Variants in SYBU observed in about 807,000 individuals in gnomAD.
The protein encoded by SYBU is syntabulin.
Under a neutral mutation model 35.9 loss-of-function variants are expected in SYBU, and 21 were observed. That is an observed-to-expected ratio of 0.58 (90% CI 0.41 to 0.84). The LOEUF (loss-of-function observed/expected upper bound fraction) is 0.84, where lower values mean the gene tolerates loss of function less well. SYBU is among the 40% of genes least tolerant of loss of function. The probability of loss-of-function intolerance (pLI) is 0.00; values close to 1 mark genes in which losing one functional copy is unlikely to be tolerated. For missense variants in SYBU, 768 were observed against 848.2 expected, an observed-to-expected ratio of 0.91 and a Z score of 1.17; for synonymous variants, 319 against 324.3, an observed-to-expected ratio of 0.98 and a Z score of 0.18.
intron 2 of SYBU, among the ~76,000 whole-genome samples, chr8:109,637,716 GT>G (rs1329460229): frequency 2.0e-5 from 3 of 152,124 alleles, no homozygotes; most frequent in Admixed American, 2.0e-4. Flanking sequence ...CAGATGCCAA[GT>G]TTCCCCAACT....
chr8:109,575,175 T>C lies in SYBU; in HGVS notation c.1723A>G (p.Arg575Gly). The C allele has an allele frequency of 6.2e-7, 1 of 1,614,218 alleles. No homozygotes were observed. The change falls in exon 7 of 7, where the codon AGA becomes GGA. Residue 575 changes from arginine to glycine, a missense_variant. Coordinates refer to ENST00000276646, the MANE Select transcript of SYBU (RefSeq NM_001099754.2). ...DAEVHANRLM[R>G]ELDFAACVEE... is the part of the protein sequence containing the mutation. ...ACGCAGGCTGCAAAATCCAGCTCTC[T>C]CATGAGGCGGTTTGCATGAACTTCT...
chr8:109,604,880 T>C (rs555352580), intron 3 of SYBU, among the ~76,000 whole-genome samples: 188 of 152,306 alleles, frequency 1.2e-3, no homozygotes, highest in African/African-American at 4.4e-3. Context: ...CCGCCAGTAG[T>C]CTCGGCAGAA....
intron 1 of SYBU, among the ~76,000 whole-genome samples, chr8:109,676,260 C>G (rs1817186772): frequency 6.6e-6 from 1 of 152,150 alleles, no homozygotes. Context: ...CACTCCTATT[C>G]AACATAGTGT....
intron 1 of SYBU, among the ~76,000 whole-genome samples, chr8:109,652,774 T>C (rs1377989764): frequency 1.3e-5 from 2 of 152,206 alleles, no homozygotes; most frequent in South Asian, 2.1e-4. Flanking sequence ...TGTCAATAAA[T>C]GGAACATTAT....
chr8:109,684,750 G>T (rs925550873), upstream of SYBU, among the ~76,000 whole-genome samples: 5 of 152,104 alleles, frequency 3.3e-5, no homozygotes, highest in African/African-American at 1.2e-4. Flanking sequence ...AGGGTAGAGA[G>T]GACTATCTAT....
At chr8:109,679,629 A>G (rs1442983923) in intron 1 of SYBU, among the ~76,000 whole-genome samples, 2 of 152,238 alleles carry the variant, frequency 1.3e-5, no homozygotes, top group African/African-American at 4.8e-5. Context: ...GACATCAGGT[A>G]GGTGTGAGGA....
upstream of SYBU, chr8:109,647,341 T>A (rs1209160207): frequency 6.6e-6 from 1 of 152,252 alleles, no homozygotes; most frequent in Non-Finnish European, 1.5e-5. Context: ...TCGTCGAGAC[T>A]GCTGCACCTG....
chr8:109,591,451 T>C (rs1824234362), intron 3 of SYBU, among the ~76,000 whole-genome samples: 1 of 151,832 alleles, frequency 6.6e-6, no homozygotes, highest in Admixed American at 6.6e-5. Context: ...ATAAATTATA[T>C]ATAGGAGTGC....
intron 3 of SYBU, among the ~76,000 whole-genome samples, chr8:109,605,165 G>A (rs1225888439): frequency 3.3e-5 from 5 of 152,164 alleles, no homozygotes; most frequent in African/African-American, 1.2e-4. Context: ...CTGACGAACT[G>A]TGCACCATCA....
At chr8:109,676,052 C>T (rs899771970) in intron 1 of SYBU, among the ~76,000 whole-genome samples, 2 of 152,198 alleles carry the variant, frequency 1.3e-5, no homozygotes, top group African/African-American at 4.8e-5. Context: ...TTGATTATCT[C>T]AACAGATGCA....
chr8:109,587,094 A>G (rs761215990), intron 3 of SYBU, among the ~76,000 whole-genome samples: 2 of 152,194 alleles, frequency 1.3e-5, no homozygotes, highest in African/African-American at 4.8e-5. Context: ...TGTGCTTCTG[A>G]AAAATAAGTC....
At chr8:109,663,574 C>T (rs952143587) in intron 1 of SYBU, among the ~76,000 whole-genome samples, 27 of 152,034 alleles carry the variant, frequency 1.8e-4, no homozygotes, top group African/African-American at 6.0e-4. Flanking sequence ...TACAACCATG[C>T]CAATATTTGA....
chr8:109,633,067 C>T (rs1037980810), intron 2 of SYBU, among the ~76,000 whole-genome samples: 2 of 152,152 alleles, frequency 1.3e-5, no homozygotes, highest in Non-Finnish European at 2.9e-5. Flanking sequence ...CAAAATACAT[C>T]ATATAAATGT....
chr8:109,652,044 A>G (rs1563766082), intron 1 of SYBU, among the ~76,000 whole-genome samples: 1 of 152,198 alleles, frequency 6.6e-6, no homozygotes. Context: ...ATTCTGAGCC[A>G]TGCACTGCCT....
chr8:109,689,852 A>C (rs1011306129), intron 1 of SYBU, among the ~76,000 whole-genome samples: 2 of 145,826 alleles, frequency 1.4e-5, no homozygotes, highest in African/African-American at 5.0e-5. Context: ...AAAAAAAAAA[A>C]AAACCATGAC....
intron 2 of SYBU, among the ~76,000 whole-genome samples, chr8:109,629,639 T>C (rs886228957): frequency 3.2e-4 from 48 of 152,126 alleles, no homozygotes; most frequent in Non-Finnish European, 5.9e-4. Flanking sequence ...GCATGATTTA[T>C]AGTCCTTTGG....
Position 109,664,749 on chromosome 8 carries a change from GA to G in SYBU, c.-129+15961del, listed in dbSNP as rs755596098. On this transcript the variant is annotated intron_variant, in intron 1 of 5. Coordinates refer to the SYBU transcript ENST00000408889. ...TTCCCAAACAGGGAACACTGTGACC[GA>G]AAACATAGAAAAGAGAATACTGGGT... 7.9e-5 allele frequency among the ~76,000 whole-genome samples: 12 copies of G among 152,216 alleles called. No homozygotes were observed. In the South Asian group the frequency reaches 1.2e-3, roughly 16 times the overall value.
chr8:109,689,587 C>G (rs1817597556), intron 1 of SYBU, among the ~76,000 whole-genome samples: 1 of 152,168 alleles, frequency 6.6e-6, no homozygotes, highest in Non-Finnish European at 1.5e-5. Context: ...CCTTCTCAGG[C>G]TCCCAAAGTT....
intron 6 of SYBU, among the ~76,000 whole-genome samples, chr8:109,576,508 T>C (rs1286719911): frequency 1.3e-5 from 2 of 152,208 alleles, no homozygotes; most frequent in Non-Finnish European, 2.9e-5. Context: ...GGAAGGCCAG[T>C]TCACTTTTAA....
Sources: gnomAD v4.1 joint callset for allele counts (sites outside exome capture counted in the v4.1 genomes callset) on GRCh38, gnomAD v4.1.1 for gene constraint, MANE v1.5 for transcripts, NCBI Gene and HGNC (gene_info 2026-07-23, HGNC 2026-07-21) for gene names.